Variants in PIEZO1 observed in about 807,000 individuals in gnomAD.
PIEZO1 encodes piezo-type mechanosensitive ion channel component 1.
In PIEZO1, 296 loss-of-function variants were observed where a neutral mutation model predicts 297.2. That is an observed-to-expected ratio of 1.00 (90% CI 0.91 to 1.10). The LOEUF (loss-of-function observed/expected upper bound fraction) is 1.10, where lower values mean the gene tolerates loss of function less well. PIEZO1 is among the 50% of genes least tolerant of loss of function. PIEZO1 has a pLI of 0.00. For synonymous variants in PIEZO1, 2,427 were observed against 1,507.5 expected (o/e 1.61, Z -14.13); for missense variants, 5,018 against 3,455.5 (o/e 1.45, Z -11.34).
At chr16:88,769,748 A>C (rs74035806) in intron 1 of PIEZO1, among the ~76,000 whole-genome samples, 4,600 of 133,614 alleles carry the variant, frequency 0.034, 235 homozygotes, top group African/African-American at 0.12. Flanking sequence ...CAAACACAAC[A>C]TGTAGCTCTG....
chr16:88,767,091 G>T (rs559205970), intron 1 of PIEZO1, among the ~76,000 whole-genome samples: 2 of 152,186 alleles, frequency 1.3e-5, no homozygotes, highest in South Asian at 4.1e-4. Flanking sequence ...TTCTCCGATC[G>T]ATTGGCTTCC....
At chr16:88,758,507 G>C (rs752413678) in intron 1 of PIEZO1, among the ~76,000 whole-genome samples, 2 of 152,172 alleles carry the variant, frequency 1.3e-5, no homozygotes, top group Non-Finnish European at 1.5e-5. Context: ...GCTTCTCCCT[G>C]AGCCTATGAC....
At position 88,716,560 on chromosome 16, in the gene PIEZO1, TC is replaced by T; in HGVS notation, c.6924del (p.Arg2309GlyfsTer63). 6.5e-7 allele frequency: 1 copy of T among 1,542,418 alleles called. No individual in the cohort carries two copies. The highest frequency in any genetic ancestry group is 8.8e-7 in the Non-Finnish European group (1 of 1,141,636). Reference protein sequence around the residue: ...DITLRFTWNFQRDLAKGGTVE... With the variant: ...DITLRFTWNFXRDLAKGGTVE... ...CACTGCCCCAAGTCCAGGACGAACC[TC>T]TGGAAGTTCCAGGTGAAGCGCAGGG... On this transcript the variant is annotated frameshift_variant and splice_region_variant, in exon 47 of 51. Coordinates refer to ENST00000301015, the MANE Select transcript of PIEZO1 (RefSeq NM_001142864.4). LOFTEE classifies it high-confidence loss of function.
chr16:88,726,459 C>G lies in PIEZO1; in HGVS notation c.3797-4G>C, dbSNP rs1190546391. On this transcript the variant is annotated splice_polypyrimidine_tract_variant and splice_region_variant and intron_variant, in intron 26 of 50. Transcript: ENST00000301015. Reference sequence around the variant, plus strand: ...TCTCTGTCCATCATCTCCTTGGCTGCAAGGCAGGCACCGGCAAGGGTCAGG... The same window carrying G: ...TCTCTGTCCATCATCTCCTTGGCTGGAAGGCAGGCACCGGCAAGGGTCAGG... 1.9e-6 allele frequency: 3 copies of G among 1,548,958 alleles called. No individual in the cohort carries two copies. Among genetic ancestry groups the G allele is most frequent in the Non-Finnish European group, 2.6e-6 (3 of 1,145,944 alleles).
At chr16:88,720,363 T>A (rs1912343029) in intron 41 of PIEZO1, 22 bp downstream of exon 41, 1 of 1,550,060 alleles carries the variant, frequency 6.5e-7, no homozygotes, top group African/African-American at 1.4e-5. Flanking sequence ...TACACTGGGT[T>A]TGGGTCCCGG....
intron 1 of PIEZO1, among the ~76,000 whole-genome samples, chr16:88,751,712 C>G (rs1906399681): frequency 6.6e-6 from 1 of 151,400 alleles, no homozygotes; most frequent in Non-Finnish European, 1.5e-5. Context: ...GCCCAAGAGG[C>G]AGGAGGAAAA....
chr16:88,724,007 G>C (rs954382157), intron 30 of PIEZO1, 36 bp from the exon 31 acceptor site: 1 of 1,281,196 alleles, frequency 7.8e-7, no homozygotes, highest in Non-Finnish European at 1.1e-6. Flanking sequence ...AGCCTTCCAT[G>C]CAGGGAGACT....
At chr16:88,774,594 G>A (rs1035755520) in intron 1 of PIEZO1, among the ~76,000 whole-genome samples, 1 of 152,166 alleles carries the variant, frequency 6.6e-6, no homozygotes, top group South Asian at 2.1e-4. Context: ...TGGCCCAGCT[G>A]CAGGTCTGAG....
chr16:88,738,803 C>G, intron 5 of PIEZO1, 67 bp from the exon 6 acceptor site: 1 of 1,411,192 alleles, frequency 7.1e-7, no homozygotes, highest in Non-Finnish European at 9.5e-7. Context: ...CAGCCCACAC[C>G]TGCCCAGCCA....
chr16:88,773,781 C>T (rs1025768422), intron 1 of PIEZO1, among the ~76,000 whole-genome samples: 1 of 151,982 alleles, frequency 6.6e-6, no homozygotes, highest in African/African-American at 2.4e-5. Context: ...GTGAGGGCTC[C>T]GGCCACCCTG....
intron 21 of PIEZO1, 70 bp downstream of exon 21, chr16:88,732,265 C>T (rs1016602365): frequency 7.3e-6 from 10 of 1,364,484 alleles, no homozygotes; most frequent in African/African-American, 1.4e-5. Flanking sequence ...GCGGTGCCTG[C>T]ACGGTGCAGC....
At chr16:88,731,452 T>G in intron 22 of PIEZO1, 2 of 507,548 alleles carry the variant, frequency 3.9e-6, no homozygotes, top group Non-Finnish European at 3.5e-6. Context: ...CCTGAAGGTT[T>G]GAAATATTTC....
chr16:88,748,389 G>C (rs1906179348), intron 2 of PIEZO1, among the ~76,000 whole-genome samples: 1 of 11,420 alleles, frequency 8.8e-5, no homozygotes, highest in South Asian at 2.7e-3. Flanking sequence ...CTGCAGGCTT[G>C]GCACGTGGCC....
At chr16:88,735,713 C>G (rs945781792) in intron 12 of PIEZO1, among the ~76,000 whole-genome samples, 25 of 152,402 alleles carry the variant, frequency 1.6e-4, no homozygotes, top group African/African-American at 5.8e-4. Context: ...CATGGACACG[C>G]AGGCACCCTG....
chr16:88,760,547 G>A (rs1482038563), intron 1 of PIEZO1, among the ~76,000 whole-genome samples: 2 of 152,250 alleles, frequency 1.3e-5, no homozygotes, highest in Non-Finnish European at 2.9e-5. Context: ...CACCCAGGGA[G>A]CTCAAGACAG....
intron 19 of PIEZO1, 168 bp downstream of exon 19, chr16:88,733,110 G>T (rs1299895133): frequency 7.7e-6 from 5 of 645,768 alleles, no homozygotes; most frequent in Non-Finnish European, 1.3e-5. Flanking sequence ...GTCCACAGTT[G>T]AGGTCGAAGG....
chr16:88,720,771 G>C, intron 39 of PIEZO1, 23 bp from the exon 40 acceptor site: 1 of 1,463,866 alleles, frequency 6.8e-7, no homozygotes, highest in Non-Finnish European at 9.0e-7. Flanking sequence ...GCTGACTTCT[G>C]CCTGGGCCCC....
At chr16:88,769,489 T>C (rs1016917135) in intron 1 of PIEZO1, among the ~76,000 whole-genome samples, 2 of 152,178 alleles carry the variant, frequency 1.3e-5, no homozygotes, top group African/African-American at 4.8e-5. Flanking sequence ...TCCTTACCAA[T>C]ATGAAGACAG....
At position 88,721,302 on chromosome 16, in the gene PIEZO1, C is replaced by T; in HGVS notation, c.5532G>A (p.Val1844=). 6.5e-7 allele frequency: 1 copy of T among 1,545,876 alleles called. No individual in the cohort carries two copies. The highest frequency in any genetic ancestry group is 8.7e-7 in the Non-Finnish European group (1 of 1,146,716). The change falls in exon 39 of 51, where the codon GTG becomes GTA. Residue 1844 remains valine (V), a synonymous_variant. Coordinates refer to ENST00000301015, the MANE Select transcript of PIEZO1 (RefSeq NM_001142864.4). The part of the protein sequence containing the change: ...PAATTEDHIQ[V]EARVGPTDGT... ...CGTCCGTGGGTCCGACCCTGGCTTC[C>T]ACCTGAATGTGGTCTTCGGTGGTGG...
Sources: gnomAD v4.1 joint callset for allele counts (sites outside exome capture counted in the v4.1 genomes callset) on GRCh38, gnomAD v4.1.1 for gene constraint, MANE v1.5 for transcripts, NCBI Gene and HGNC (gene_info 2026-07-23, HGNC 2026-07-21) for gene names.